MBD5: variants seen among roughly 807,000 people sequenced by gnomAD.
The protein encoded by MBD5 is methyl-CpG binding domain protein 5.
MBD5 carries 13 observed loss-of-function variants against 117.3 expected under a neutral mutation model. The observed-to-expected ratio is 0.11, with a 90% CI of 0.07 to 0.18. The LOEUF (loss-of-function observed/expected upper bound fraction) is 0.18. Ranked by LOEUF, MBD5 falls within the 10% of genes least tolerant of loss-of-function variation. The pLI, the probability that MBD5 is intolerant of heterozygous loss-of-function variation, is 1.00. For synonymous variants in MBD5, 727 were observed against 766.4 expected, an observed-to-expected ratio of 0.95 and a Z score of 0.85; for missense variants, 1,879 against 2,093.8, an observed-to-expected ratio of 0.90 and a Z score of 2.00.
At chr2:148,327,180 C>T (rs1702476692) in intron 3 of MBD5, among the ~76,000 whole-genome samples, 1 of 152,094 alleles carries the variant, frequency 6.6e-6, no homozygotes, top group Non-Finnish European at 1.5e-5. Context: ...TCTCTTCTGG[C>T]TTGTAGAGTT....
At chr2:148,200,344 AAATGTAGC>A (rs1699104165) in intron 2 of MBD5, among the ~76,000 whole-genome samples, 1 of 152,184 alleles carries the variant, frequency 6.6e-6, no homozygotes, top group Admixed American at 6.5e-5. Flanking sequence ...GTTTTTATAA[AAATGTAGC>A]ACTTAAAAGC....
At chr2:148,462,559 G>A in intron 5 of MBD5, 23 bp from the exon 6 acceptor site, 1 of 1,439,990 alleles carries the variant, frequency 6.9e-7, no homozygotes, top group Non-Finnish European at 9.8e-7. Flanking sequence ...ATTTCCTGAT[G>A]TTTTTTTAAA....
In MBD5 at chr2:148,254,628, G is replaced by C. The variant is rs147819627; in HGVS notation, c.-680+21233G>C. Among the ~76,000 whole-genome samples, 283 of 152,228 alleles carry C rather than the reference G, an allele frequency of 1.9e-3. 7 individuals are homozygous for C. In the East Asian group the frequency reaches 0.046, roughly 25 times the overall value. ...CCCCAGGTACAACGTCTGCTGGTAG[G>C]TAAGGCCACCCTGTGTCCTCACAGA... is the stretch of plus-strand genomic sequence containing the variant. On this transcript the variant is annotated intron_variant, in intron 3 of 13. Transcript: ENST00000642680.
intron 1 of MBD5, among the ~76,000 whole-genome samples, chr2:148,097,803 G>A (rs936415568): frequency 6.6e-6 from 1 of 152,186 alleles, no homozygotes. Flanking sequence ...TTTAAATTGA[G>A]ACCTGAAAAA....
intron 11 of MBD5, among the ~76,000 whole-genome samples, chr2:148,499,202 T>C (rs1261695334): frequency 2.0e-5 from 3 of 151,998 alleles, no homozygotes; most frequent in Non-Finnish European, 4.4e-5. Context: ...CTAAGGAGAC[T>C]GAGGTGGGAA....
At chr2:148,037,559 A>G (rs1694228853) in intron 1 of MBD5, among the ~76,000 whole-genome samples, 1 of 152,006 alleles carries the variant, frequency 6.6e-6, no homozygotes, top group Admixed American at 6.6e-5. Flanking sequence ...TATTAAGGTT[A>G]ACATCAGCTG....
chr2:148,474,186 A>G (rs1680884349), intron 8 of MBD5, among the ~76,000 whole-genome samples: 1 of 152,192 alleles, frequency 6.6e-6, no homozygotes, highest in Admixed American at 6.6e-5. Flanking sequence ...TTATGACTTA[A>G]GGAAGACTCC....
At chr2:148,370,339 G>A (rs1574344426) in intron 4 of MBD5, among the ~76,000 whole-genome samples, 1 of 152,016 alleles carries the variant, frequency 6.6e-6, no homozygotes, top group African/African-American at 2.4e-5. Context: ...GTACTGATGA[G>A]CTATCTGGTC....
intron 2 of MBD5, among the ~76,000 whole-genome samples, chr2:148,220,974 C>G (rs1699672689): frequency 6.6e-6 from 1 of 152,118 alleles, no homozygotes; most frequent in Admixed American, 6.6e-5. Flanking sequence ...CTTCTCTCCT[C>G]TATCTCCATG....
intron 4 of MBD5, among the ~76,000 whole-genome samples, chr2:148,399,937 T>G (rs1027297091): frequency 4.6e-5 from 7 of 152,210 alleles, no homozygotes; most frequent in Non-Finnish European, 1.0e-4. Context: ...GTTGGTCCTG[T>G]TTATATGCTG....
chr2:148,165,475 T>C (rs1488363144), intron 1 of MBD5, among the ~76,000 whole-genome samples: 6 of 152,068 alleles, frequency 3.9e-5, no homozygotes, highest in Non-Finnish European at 8.8e-5. Flanking sequence ...TTTTCTCTGT[T>C]TCTGAAGTGA....
At position 148,268,614 on chromosome 2, in the gene MBD5, G is replaced by C. The variant is rs141706571; in HGVS notation, c.-680+35219G>C. Among the ~76,000 whole-genome samples the C allele has an allele frequency of 3.2e-3, 485 of 151,108 alleles. 1 individual carries two copies. Among genetic ancestry groups the C allele is most frequent in the African/African-American group, 0.011 (470 of 41,288 alleles). The stretch of plus-strand genomic sequence containing the variant: ...ATCATGTTCTTATCTGGTTGTGTTG[G>C]CTAATTCTTACAGAATTATGTTAAA... On this transcript the variant is annotated intron_variant, in intron 3 of 13. Coordinates refer to ENST00000642680, the MANE Select transcript of MBD5 (RefSeq NM_001378120.1).
intron 2 of MBD5, among the ~76,000 whole-genome samples, chr2:148,231,247 C>G (rs1056558407): frequency 2.6e-5 from 4 of 152,160 alleles, no homozygotes; most frequent in African/African-American, 9.6e-5. Context: ...TTGGCGATTC[C>G]TTTCTGGCTA....
intron 4 of MBD5, among the ~76,000 whole-genome samples, chr2:148,343,656 T>G (rs1173351580): frequency 6.6e-6 from 1 of 152,108 alleles, no homozygotes. Context: ...TTTAAGTTCC[T>G]TATAGATTCT....
At chr2:148,307,556 A>G (rs1193520180) in intron 3 of MBD5, among the ~76,000 whole-genome samples, 1 of 152,230 alleles carries the variant, frequency 6.6e-6, no homozygotes, top group African/African-American at 2.4e-5. Context: ...TACTAAAAAC[A>G]CATCTTACTT....
chr2:148,511,454 A>G (rs1259896486), intron 13 of MBD5, among the ~76,000 whole-genome samples: 1 of 152,252 alleles, frequency 6.6e-6, no homozygotes, highest in Non-Finnish European at 1.5e-5. Context: ...CCTGGGAGTC[A>G]TGTGCTCTCT....
At chr2:148,127,519 G>A (rs182884848) in intron 1 of MBD5, among the ~76,000 whole-genome samples, 74 of 152,210 alleles carry the variant, frequency 4.9e-4, no homozygotes, top group Non-Finnish European at 6.8e-4. Flanking sequence ...GTTTGCTGAG[G>A]ATAACAGCTT....
intron 1 of MBD5, among the ~76,000 whole-genome samples, chr2:148,126,977 C>CA (rs1696912769): frequency 7.6e-6 from 1 of 130,770 alleles, no homozygotes; most frequent in African/African-American, 2.8e-5. Flanking sequence ...TTTTTTCTTT[C>CA]TTTTTTTTTT....
chr2:148,489,303 T>C, intron 10 of MBD5, 83 bp from the exon 11 acceptor site: 1 of 1,537,178 alleles, frequency 6.5e-7, no homozygotes, highest in South Asian at 1.2e-5. Flanking sequence ...TGTCTTTTGG[T>C]AAATTTTAAA....
Sources: gnomAD v4.1 joint callset for allele counts (sites outside exome capture counted in the v4.1 genomes callset) on GRCh38, gnomAD v4.1.1 for gene constraint, MANE v1.5 for transcripts, NCBI Gene and HGNC (gene_info 2026-07-23, HGNC 2026-07-21) for gene names.